RP1: variants seen among roughly 807,000 people sequenced by gnomAD.
The protein encoded by RP1 is RP1 axonemal microtubule associated.
In RP1, 16 loss-of-function variants were observed where a neutral mutation model predicts 14.8. The ratio of observed to expected loss-of-function variants is 1.08; its 90% CI spans 0.73 to 1.65. RP1 has a LOEUF of 1.65. Among genes scored for constraint, RP1 ranks in the 40% most tolerant of loss-of-function variants. RP1 has a pLI of 0.00. For missense variants in RP1, 2,631 were observed against 2,535.0 expected, an observed-to-expected ratio of 1.04 and a Z score of -0.81; for synonymous variants, 876 against 883.6, an observed-to-expected ratio of 0.99 and a Z score of 0.15.
chr8:54,701,245 A>T (rs554597401), intron 13 of RP1, among the ~76,000 whole-genome samples: 30 of 152,296 alleles, frequency 2.0e-4, no homozygotes, highest in Non-Finnish European at 3.8e-4. Flanking sequence ...CTGCCAATGA[A>T]GTTATTTTTC....
At chr8:54,636,786 AT>A (rs1806354494) in intron 3 of RP1, among the ~76,000 whole-genome samples, 1 of 152,160 alleles carries the variant, frequency 6.6e-6, no homozygotes, top group Non-Finnish European at 1.5e-5. Context: ...TATCCCATTT[AT>A]TCTCATGGAT....
At chr8:54,805,566 A>G (rs1212623891) in intron 24 of RP1, among the ~76,000 whole-genome samples, 1 of 152,190 alleles carries the variant, frequency 6.6e-6, no homozygotes, top group African/African-American at 2.4e-5. Context: ...TGTTAATTGG[A>G]CCTTGTTCCA....
chr8:54,824,298 C>A (rs1425145326), intron 24 of RP1, among the ~76,000 whole-genome samples: 1 of 151,934 alleles, frequency 6.6e-6, no homozygotes, highest in East Asian at 1.9e-4. Flanking sequence ...CCATAGTTTG[C>A]CAGCTTAGAT....
At chr8:54,589,484 CAA>C (rs1804998198) in intron 1 of RP1, among the ~76,000 whole-genome samples, 1 of 152,130 alleles carries the variant, frequency 6.6e-6, no homozygotes, top group South Asian at 2.1e-4. Flanking sequence ...GGCTCTATTT[CAA>C]CCTACATGAT....
intron 25 of RP1, among the ~76,000 whole-genome samples, chr8:54,848,743 TC>T (rs1166165797): frequency 1.3e-5 from 2 of 152,166 alleles, no homozygotes; most frequent in Admixed American, 1.3e-4. Flanking sequence ...ATGATATTTT[TC>T]TTTTATTTCT....
exon 13 of RP1, chr8:54,699,528 G>C (rs1189296466): frequency 3.5e-6 from 5 of 1,410,534 alleles, no homozygotes; most frequent in Non-Finnish European, 4.7e-6. Flanking sequence ...ATGAGATGAG[G>C]CATCTTTCTC....
chr8:54,695,428 T>G lies in RP1; in HGVS notation c.1718-4039T>G, dbSNP rs964358995. Among the ~76,000 whole-genome samples the G allele has an allele frequency of 2.6e-5, 4 of 152,158 alleles. No individual in the cohort carries two copies. In the East Asian group the frequency reaches 7.7e-4, roughly 29 times the overall value. On this transcript the variant is annotated intron_variant, in intron 12 of 22. Coordinates refer to the RP1 transcript ENST00000636932. ...CTTGATAAACTTTAAAATAAAGAAA[T>G]TTTTATAACAAAATATGTAAATTTT... is the stretch of plus-strand genomic sequence containing the variant.
At chr8:54,854,055 G>T (rs1306831966) in intron 26 of RP1, among the ~76,000 whole-genome samples, 1 of 152,080 alleles carries the variant, frequency 6.6e-6, no homozygotes, top group Non-Finnish European at 1.5e-5. Flanking sequence ...TATGTTCAGG[G>T]ACTCAGTATT....
At chr8:54,810,541 C>T (rs1164484799) in intron 24 of RP1, among the ~76,000 whole-genome samples, 1 of 152,052 alleles carries the variant, frequency 6.6e-6, no homozygotes, top group Non-Finnish European at 1.5e-5. Flanking sequence ...TATTTTTTTC[C>T]TTCTATTGGG....
intron 19 of RP1, among the ~76,000 whole-genome samples, chr8:54,752,363 A>G (rs1809394007): frequency 6.6e-6 from 1 of 152,212 alleles, no homozygotes; most frequent in Non-Finnish European, 1.5e-5. Context: ...ATGGTGAGTT[A>G]AACCAAGGAA....
chr8:54,605,459 C>T (rs1466062116), intron 1 of RP1, among the ~76,000 whole-genome samples: 1 of 152,064 alleles, frequency 6.6e-6, no homozygotes, highest in Non-Finnish European at 1.5e-5. Context: ...TTACTTCCAA[C>T]TATGTGGTCA....
chr8:54,771,278 C>T (rs1809897212), downstream of RP1, among the ~76,000 whole-genome samples: 1 of 151,908 alleles, frequency 6.6e-6, no homozygotes, highest in South Asian at 2.1e-4. Context: ...AATAAACCGT[C>T]AAGTAATAAG....
At chr8:54,716,466 A>G (rs892893153) in intron 15 of RP1, among the ~76,000 whole-genome samples, 2 of 152,140 alleles carry the variant, frequency 1.3e-5, no homozygotes, top group Non-Finnish European at 2.9e-5. Context: ...TGAGGTCCAC[A>G]CTGGTCTTTA....
intron 12 of RP1, among the ~76,000 whole-genome samples, chr8:54,690,590 A>G (rs1301475416): frequency 6.6e-6 from 1 of 151,986 alleles, no homozygotes; most frequent in East Asian, 1.9e-4. Context: ...ACGTCAGGGG[A>G]GTAGAGAATT....
At chr8:54,827,863 A>C (rs1585726739) in intron 24 of RP1, among the ~76,000 whole-genome samples, 2 of 151,832 alleles carry the variant, frequency 1.3e-5, no homozygotes, top group Non-Finnish European at 2.9e-5. Context: ...ACACCACTGC[A>C]CTCCAGCTTG....
chr8:54,590,671 T>C (rs1407826738), intron 1 of RP1, among the ~76,000 whole-genome samples: 1 of 152,290 alleles, frequency 6.6e-6, no homozygotes, highest in East Asian at 1.9e-4. Flanking sequence ...TAGAAAATTA[T>C]CTCCAGTTAT....
At chr8:54,853,828 C>CAAAGAGAGAG (rs1812117723) in intron 26 of RP1, among the ~76,000 whole-genome samples, 1 of 66,426 alleles carries the variant, frequency 1.5e-5, no homozygotes, top group African/African-American at 4.3e-5. Flanking sequence ...GGAAGAGAAA[C>CAAAGAGAGAG]AAAGAGAGAG....
At chr8:54,790,881 GCATTATGAAAATTC>G (rs1029787115) in intron 24 of RP1, among the ~76,000 whole-genome samples, 19 of 152,052 alleles carry the variant, frequency 1.2e-4, no homozygotes, top group African/African-American at 4.6e-4. Context: ...AACAATATAT[GCATTATGAAAATTC>G]CAGAAGGAGA....
At chr8:54,754,259 C>CT (rs1226666851) in intron 19 of RP1, among the ~76,000 whole-genome samples, 6 of 150,742 alleles carry the variant, frequency 4.0e-5, no homozygotes, top group East Asian at 2.0e-4. Context: ...AAGGCATTCA[C>CT]TTTTTTTTTC....
Sources: allele counts gnomAD v4.1 joint callset (sites outside exome capture counted in the v4.1 genomes callset), GRCh38; gene constraint gnomAD v4.1.1; transcripts MANE v1.5; gene names NCBI Gene and HGNC (gene_info 2026-07-23, HGNC 2026-07-21).